IL15RA: variants seen among roughly 807,000 people sequenced by gnomAD.
IL15RA encodes interleukin 15 receptor subunit alpha.
In IL15RA, 26 loss-of-function variants were observed where a neutral mutation model predicts 24.2. That is an observed-to-expected ratio of 1.07 (90% CI 0.79 to 1.49). The LOEUF (loss-of-function observed/expected upper bound fraction) is 1.49. IL15RA is among the 40% of genes most tolerant of loss of function. The pLI, the probability that IL15RA is intolerant of heterozygous loss-of-function variation, is 0.00. For synonymous variants in IL15RA, 166 were observed against 157.6 expected (o/e 1.05, Z -0.40); for missense variants, 354 against 356.4 (o/e 0.99, Z 0.05).
rs940788816 is a variant in IL15RA, at chr10:5,967,892, C to T, written c.89-1553G>A. 6.6e-6 allele frequency among the ~76,000 whole-genome samples: 1 copy of T among 152,116 alleles called. No individual in the cohort carries two copies. The highest frequency in any genetic ancestry group is 6.5e-5 in the Admixed American group (1 of 15,280). On this transcript the variant is annotated intron_variant, in intron 1 of 6. Coordinates refer to ENST00000379977, the MANE Select transcript of IL15RA (RefSeq NM_002189.4). This position sits in a 1 kb window ranked among gnomAD's most constrained non-coding sequence, Gnocchi z 4.4. ...TGGCTAACATGGTGAAAGCCCGTCT[C>T]TACTAAAATACAAAAAATTAGCTGG... is the stretch of plus-strand genomic sequence containing the variant.
chr10:5,955,573 C>A lies in IL15RA; in HGVS notation c.692+806G>T, dbSNP rs1394435428. 6.6e-6 allele frequency among the ~76,000 whole-genome samples: 1 copy of A among 151,864 alleles called. No homozygotes were observed. The highest frequency in any genetic ancestry group is 2.4e-5 in the African/African-American group (1 of 41,318). On this transcript the variant is annotated intron_variant, in intron 6 of 6. Coordinates refer to ENST00000379977, the MANE Select transcript of IL15RA (RefSeq NM_002189.4). The surrounding 1 kb of genome is among the most constrained non-coding windows in gnomAD (Gnocchi z 5.3). ...ATGAAGGCTAGAATGCCATTTGAGG[C>A]TTTAATCAAAGAATAATAATACTGC... is the stretch of plus-strand genomic sequence containing the variant.
In IL15RA at chr10:5,952,984, C is replaced by G. The variant is rs987839481; in HGVS notation, c.*111G>C. ...GATCCTGCTGGGACTTCTGAGAGGC[C>G]TGGTGAGCTTGCTCCTGGAGCCCGC... is the stretch of plus-strand genomic sequence containing the variant. On this transcript the variant is annotated 3_prime_UTR_variant, in exon 7 of 7. Transcript: ENST00000379977. 5.0e-6 allele frequency: 4 copies of G among 795,408 alleles called. No individual in the cohort carries two copies. In the African/African-American group the frequency reaches 6.9e-5, roughly 14 times the overall value. The allele number at this position is 795,408 out of a possible 1,614,324, so 49.3% of individuals were successfully genotyped here. A position where few individuals can be genotyped will look rare whatever the true frequency, so the allele number is the denominator to read the frequency against.
At chr10:5,956,546 TC>T (rs1413929885) in intron 5 of IL15RA, 92 bp from the exon 6 acceptor site, 1 of 891,800 alleles carries the variant, frequency 1.1e-6, no homozygotes, top group Non-Finnish European at 1.8e-6. Flanking sequence ...TACAGAGGGA[TC>T]CAAGTGCCTC....
At position 5,966,143 on chromosome 10, in the gene IL15RA, A is replaced by G. The variant is rs201988252; in HGVS notation, c.283+2T>C. The G allele has an allele frequency of 1.4e-4, 229 of 1,602,992 alleles. No homozygotes were observed. The highest frequency in any genetic ancestry group is 1.8e-4 in the Non-Finnish European group (206 of 1,170,688). On this transcript the variant is annotated splice_donor_variant, in intron 2 of 6. Coordinates refer to ENST00000379977, the MANE Select transcript of IL15RA (RefSeq NM_002189.4). LOFTEE classifies it high-confidence loss of function. This position sits in a 1 kb window ranked among gnomAD's most constrained non-coding sequence, Gnocchi z 6.4. Reference sequence around the variant, plus strand: ...GAAGGTGGGGTGGCAAGGGCTACTCACTAATGCATTTGAGACTGGGGGTTG... The same window carrying G: ...GAAGGTGGGGTGGCAAGGGCTACTCGCTAATGCATTTGAGACTGGGGGTTG...
At position 5,970,736 on chromosome 10, in the gene IL15RA, A is replaced by ATTATTTTATTTTATT. The variant is rs55906065; in HGVS notation, c.89-4412_89-4398dup. Among the ~76,000 whole-genome samples, 2,076 of 143,644 alleles carry ATTATTTTATTTTATT rather than the reference A, an allele frequency of 0.014. 35 individuals carry two copies. The highest frequency in any genetic ancestry group is 0.033 in the African/African-American group (1,273 of 38,450). 94.2% of individuals were successfully genotyped at this position (143,644 alleles called of 152,430 possible). On this transcript the variant is annotated intron_variant, in intron 1 of 6. Transcript: ENST00000379977. The surrounding 1 kb of genome is among the most constrained non-coding windows in gnomAD (Gnocchi z 4.1). ...TAAAATGATTTTATTTTATTTCATT[A>ATTATTTTATTTTATT]TTATTTTATTTTATTTTATTTTATT...
At chr10:5,950,701 G>A (rs1833801502), downstream of IL15RA, 1 of 152,328 alleles carries the variant, frequency 6.6e-6, no homozygotes, top group African/African-American at 2.4e-5. The surrounding 1 kb of genome is among the most constrained non-coding windows in gnomAD (Gnocchi z 5.6). Flanking sequence ...GGACCAGCCT[G>A]TCAGGGGCCT....
intron 1 of IL15RA, among the ~76,000 whole-genome samples, chr10:5,969,133 G>T (rs1397363061): frequency 6.6e-6 from 1 of 152,006 alleles, no homozygotes; most frequent in Non-Finnish European, 1.5e-5. Context: ...TTTGTCATAG[G>T]TCTTAAAGTC....
rs8177695 is a variant in IL15RA, at chr10:5,961,838, C to G, written c.383-1271G>C. ...CTGGACGCACTGTTGTTGCCGCGTTCCCATGGTCTCCCAGCCACACAGGTC... is the reference window on the plus strand; with the variant it reads ...CTGGACGCACTGTTGTTGCCGCGTTGCCATGGTCTCCCAGCCACACAGGTC... On this transcript the variant is annotated intron_variant, in intron 3 of 6. Transcript: ENST00000379977. This position sits in a 1 kb window ranked among gnomAD's most constrained non-coding sequence, Gnocchi z 5.2. Among the ~76,000 whole-genome samples, 137 of 152,362 alleles carry G rather than the reference C, an allele frequency of 9.0e-4. No homozygotes were observed. Among genetic ancestry groups the G allele is most frequent in the African/African-American group, 3.1e-3 (128 of 41,584 alleles).
Position 5,965,100 on chromosome 10 carries a change from C to G in IL15RA, c.283+1045G>C, listed in dbSNP as rs926703680. Among the ~76,000 whole-genome samples, 1 of 152,150 alleles carries G rather than the reference C, an allele frequency of 6.6e-6. No individual in the cohort carries two copies. On this transcript the variant is annotated intron_variant, in intron 2 of 6. Coordinates refer to ENST00000379977, the MANE Select transcript of IL15RA (RefSeq NM_002189.4). The surrounding 1 kb of genome is among the most constrained non-coding windows in gnomAD (Gnocchi z 5.8). ...ATGCAGGGGCGCGCTCATCCCTGCCCCAGAGATGAACTGGGGAAGGAGAGA... is the reference window on the plus strand; with the variant it reads ...ATGCAGGGGCGCGCTCATCCCTGCCGCAGAGATGAACTGGGGAAGGAGAGA...
chr10:5,957,584 TTTC>T (rs201787779), intron 5 of IL15RA, among the ~76,000 whole-genome samples: 2,613 of 139,398 alleles, frequency 0.019, 136 homozygotes, highest in Admixed American at 0.12. Context: ...AACTTTTTCT[TTTC>T]TTCTTCTTTT....
At position 5,977,521 on chromosome 10, in the gene IL15RA, C is replaced by G; in HGVS notation, c.-29G>C. 1 of 1,321,000 alleles carries G rather than the reference C, an allele frequency of 7.6e-7. No homozygotes were observed. The highest frequency in any genetic ancestry group is 9.7e-7 in the Non-Finnish European group (1 of 1,035,658). 81.8% of individuals were successfully genotyped at this position (1,321,000 alleles called of 1,614,324 possible). On this transcript the variant is annotated 5_prime_UTR_variant, in exon 1 of 7. Transcript: ENST00000379977. ...GGCAGCTCCACAGGACACCGCTGGA[C>G]TCCCCGGGCGAGCGCTGCCCAGGCC... is the stretch of plus-strand genomic sequence containing the variant.
At position 5,977,539 on chromosome 10, in the gene IL15RA, C is replaced by T; in HGVS notation, c.-47G>A. 7.8e-7 allele frequency: 1 copy of T among 1,289,198 alleles called. No individual in the cohort carries two copies. Among genetic ancestry groups the T allele is most frequent in the Non-Finnish European group, 9.8e-7 (1 of 1,018,154 alleles). The allele number at this position is 1,289,198 out of a possible 1,614,324, so 79.9% of individuals were successfully genotyped here. ...CGCTGGACTCCCCGGGCGAGCGCTGCCCAGGCCGGGGGGAGGTGGCGAGCG... is the reference window on the plus strand; with the variant it reads ...CGCTGGACTCCCCGGGCGAGCGCTGTCCAGGCCGGGGGGAGGTGGCGAGCG... On this transcript the variant is annotated 5_prime_UTR_variant, in exon 1 of 7. Coordinates refer to ENST00000379977, the MANE Select transcript of IL15RA (RefSeq NM_002189.4).
rs1835700130 is a variant in IL15RA at position 5,962,212 on chromosome 10, C to T, written c.382+1531G>A. Among the ~76,000 whole-genome samples, 6 of 152,202 alleles carry T rather than the reference C, an allele frequency of 3.9e-5. No homozygotes were observed. The highest frequency in any genetic ancestry group is 3.9e-4 in the Admixed American group (6 of 15,280). On this transcript the variant is annotated intron_variant, in intron 3 of 6. Transcript: ENST00000379977. This position sits in a 1 kb window ranked among gnomAD's most constrained non-coding sequence, Gnocchi z 5.2. ...GGAGCCAGCCCCTCAACCCCTTCCT[C>T]CCTGTGCAGGTGACTCACTAGGAGG...
rs1589214427 is a variant in IL15RA at position 5,964,604 on chromosome 10, T to C, written c.284-763A>G. 6.6e-6 allele frequency among the ~76,000 whole-genome samples: 1 copy of C among 152,322 alleles called. No individual in the cohort carries two copies. Among genetic ancestry groups the C allele is most frequent in the East Asian group, 1.9e-4 (1 of 5,174 alleles). Reference sequence around the variant, plus strand: ...GAAACCTAAAGAGGCCTCCAGTCTTTGGACTCTAAAATCCTGATTCCGGGT... The same window carrying C: ...GAAACCTAAAGAGGCCTCCAGTCTTCGGACTCTAAAATCCTGATTCCGGGT... On this transcript the variant is annotated intron_variant, in intron 2 of 6. Coordinates refer to ENST00000379977, the MANE Select transcript of IL15RA (RefSeq NM_002189.4). This position sits in a 1 kb window ranked among gnomAD's most constrained non-coding sequence, Gnocchi z 5.6.
At chr10:5,956,923 T>A (rs1834610355) in intron 5 of IL15RA, among the ~76,000 whole-genome samples, 2 of 151,868 alleles carry the variant, frequency 1.3e-5, no homozygotes, top group African/African-American at 4.8e-5. Context: ...CACAGTGCCA[T>A]TTTCCTTCCA....
Position 5,957,694 on chromosome 10 carries a change from C to T in IL15RA, c.617-1240G>A, listed in dbSNP as rs181435922. On this transcript the variant is annotated intron_variant, in intron 5 of 6. Coordinates refer to ENST00000379977, the MANE Select transcript of IL15RA (RefSeq NM_002189.4). Reference sequence around the variant, plus strand: ...GCAACCTCCCCCTCCCAGGTTCAAACGATTCTCCTACCTCAGCCTCCTGAG... The same window carrying T: ...GCAACCTCCCCCTCCCAGGTTCAAATGATTCTCCTACCTCAGCCTCCTGAG... 4.2e-3 allele frequency among the ~76,000 whole-genome samples: 631 copies of T among 150,696 alleles called. 3 individuals carry two copies. The highest frequency in any genetic ancestry group is 6.7e-3 in the Non-Finnish European group (455 of 67,844).
Position 5,975,892 on chromosome 10 carries a change from C to T in IL15RA, c.88+1513G>A, listed in dbSNP as rs1398892500. 1.3e-5 allele frequency among the ~76,000 whole-genome samples: 2 copies of T among 151,304 alleles called. No individual in the cohort carries two copies. The highest frequency in any genetic ancestry group is 2.9e-5 in the Non-Finnish European group (2 of 67,818). On this transcript the variant is annotated intron_variant, in intron 1 of 6. Coordinates refer to ENST00000379977, the MANE Select transcript of IL15RA (RefSeq NM_002189.4). The surrounding 1 kb of genome is among the most constrained non-coding windows in gnomAD (Gnocchi z 4.8). Reference sequence around the variant, plus strand: ...GGGGTGACAGAGTGAGACTCCGTCTCAAAAAAGAAAACAAGAAAGAAAGAA... The same window carrying T: ...GGGGTGACAGAGTGAGACTCCGTCTTAAAAAAGAAAACAAGAAAGAAAGAA...
rs538377715 is a variant in IL15RA at position 5,961,866 on chromosome 10, G to A, written c.383-1299C>T. ...ATGGTCTCCCAGCCACACAGGTCAT[G>A]AGAAGGCCTCACGCCCCTTAATCCT... On this transcript the variant is annotated intron_variant, in intron 3 of 6. Coordinates refer to ENST00000379977, the MANE Select transcript of IL15RA (RefSeq NM_002189.4). This position sits in a 1 kb window ranked among gnomAD's most constrained non-coding sequence, Gnocchi z 5.2. 6.6e-6 allele frequency among the ~76,000 whole-genome samples: 1 copy of A among 152,346 alleles called. No homozygotes were observed. Among genetic ancestry groups the A allele is most frequent in the African/African-American group, 2.4e-5 (1 of 41,576 alleles).
rs1438643155 is a variant in IL15RA at position 5,958,283 on chromosome 10, CTA to C, written c.616+1469_616+1470del. Reference sequence around the variant, plus strand: ...GCAACTGTCCAGCATTCCTTATCCTCTATATGTTTATTTATACAGTCTCTCTG... The same window carrying C: ...GCAACTGTCCAGCATTCCTTATCCTCTATGTTTATTTATACAGTCTCTCTG... On this transcript the variant is annotated intron_variant, in intron 5 of 6. Transcript: ENST00000379977. This position sits in a 1 kb window ranked among gnomAD's most constrained non-coding sequence, Gnocchi z 4.3. The C allele has an allele frequency of 4.4e-6, 2 of 453,870 alleles. No individual in the cohort carries two copies. Among genetic ancestry groups the C allele is most frequent in the Admixed American group, 2.4e-5 (1 of 42,288 alleles). 28.1% of individuals were successfully genotyped at this position (453,870 alleles called of 1,614,324 possible). A position where few individuals can be genotyped will look rare whatever the true frequency, so the allele number is the denominator to read the frequency against.
Sources: allele counts gnomAD v4.1 joint callset (sites outside exome capture counted in the v4.1 genomes callset), GRCh38; gene constraint gnomAD v4.1.1; non-coding constraint Gnocchi (gnomAD v3.1); transcripts MANE v1.5; gene names NCBI Gene and HGNC (gene_info 2026-07-23, HGNC 2026-07-21).